Variants in SRGAP2B observed in about 807,000 individuals in gnomAD.
SRGAP2B encodes the protein SLIT-ROBO Rho GTPase-activating protein 2B.
In SRGAP2B, 9 loss-of-function variants were observed where a neutral mutation model predicts 22.2. The observed-to-expected ratio is 0.41, with a 90% CI of 0.24 to 0.71. The LOEUF (loss-of-function observed/expected upper bound fraction) is 0.71, where lower values mean the gene tolerates loss of function less well. SRGAP2B is among the 30% of genes least tolerant of loss of function. SRGAP2B has a pLI of 0.35. For missense variants in SRGAP2B, 114 were observed against 235.8 expected, an observed-to-expected ratio of 0.48 and a Z score of 3.38; for synonymous variants, 36 against 87.4, an observed-to-expected ratio of 0.41 and a Z score of 3.28.
At chr1:145,014,338 CCAA>C (rs1553622767) in intron 2 of SRGAP2B, among the ~76,000 whole-genome samples, 2 of 148,844 alleles carry the variant, frequency 1.3e-5, no homozygotes, top group Non-Finnish European at 3.0e-5. Context: ...AACAAAAAAA[CCAA>C]CAACAAGAAG....
At chr1:145,009,532 G>A (rs1553621873) in intron 2 of SRGAP2B, among the ~76,000 whole-genome samples, 1 of 146,364 alleles carries the variant, frequency 6.8e-6, no homozygotes, top group East Asian at 2.0e-4. Flanking sequence ...AGCTTGCAGT[G>A]AGCCGAGATC....
intron 2 of SRGAP2B, among the ~76,000 whole-genome samples, chr1:145,022,597 T>C (rs189416770): frequency 0.011 from 1,654 of 148,996 alleles, 68 homozygotes; most frequent in African/African-American, 0.039. Flanking sequence ...GATCATGGCT[T>C]TTCTTTTTTA....
chr1:144,939,797 G>T (rs1553607049), intron 4 of SRGAP2B, among the ~76,000 whole-genome samples: 1 of 145,976 alleles, frequency 6.9e-6, no homozygotes, highest in Non-Finnish European at 1.5e-5. Flanking sequence ...AGCAAAAAGA[G>T]AATGCTTTTT....
At position 144,910,594 on chromosome 1, in the gene SRGAP2B, AG is replaced by A. The variant is rs1357436041; in HGVS notation, c.486+4097del. Among the ~76,000 whole-genome samples the A allele has an allele frequency of 2.1e-5, 3 of 144,796 alleles. No individual in the cohort carries two copies. In the East Asian group the frequency reaches 6.1e-4, roughly 29 times the overall value. The allele number at this position is 144,796 out of a possible 152,430, so 95.0% of individuals were successfully genotyped here. A position where few individuals can be genotyped will look rare whatever the true frequency, so the allele number is the denominator to read the frequency against. ...TAACAACAGCCCCAAAGTGTCCCAA[AG>A]CCTCTTTTTTCTCAATTCTAGAGCT... On this transcript the variant is annotated intron_variant, in intron 5 of 9. Coordinates refer to ENST00000612199, the Ensembl canonical transcript of SRGAP2B.
chr1:144,971,851 C>T (rs1474805996), intron 3 of SRGAP2B, among the ~76,000 whole-genome samples: 2 of 150,820 alleles, frequency 1.3e-5, no homozygotes, highest in African/African-American at 5.0e-5. Flanking sequence ...ATCACACAGA[C>T]AGTGGTGGAG....
chr1:144,905,827 C>G (rs1452609868), intron 6 of SRGAP2B, 32 bp downstream of exon 6: 8,041 of 709,008 alleles, frequency 0.011, 268 homozygotes, highest in Non-Finnish European at 0.015. Context: ...AATGTTGCTT[C>G]CCAGCATCTA....
At chr1:144,986,389 T>C (rs1476336383) in intron 3 of SRGAP2B, among the ~76,000 whole-genome samples, 2 of 145,072 alleles carry the variant, frequency 1.4e-5, no homozygotes, top group East Asian at 2.0e-4. Context: ...CACTGAGATG[T>C]TCTGGGCAGA....
intron 2 of SRGAP2B, among the ~76,000 whole-genome samples, chr1:145,006,830 T>G (rs1207760280): frequency 6.6e-6 from 1 of 150,718 alleles, no homozygotes; most frequent in Non-Finnish European, 1.5e-5. Context: ...ACTATTCAAG[T>G]ATAAAGGTAT....
intron 2 of SRGAP2B, among the ~76,000 whole-genome samples, chr1:145,064,672 T>C (rs1157840656): frequency 4.7e-5 from 7 of 150,056 alleles, no homozygotes; most frequent in African/African-American, 1.8e-4. Flanking sequence ...GAGTCTGTCC[T>C]GTCCTTGCAG....
intron 5 of SRGAP2B, among the ~76,000 whole-genome samples, chr1:144,911,593 G>T (rs1259711965): frequency 6.8e-6 from 1 of 146,336 alleles, no homozygotes; most frequent in Admixed American, 6.8e-5. Context: ...ATCTCCAGAA[G>T]AAATAATTCT....
chr1:144,915,651 A>C (rs1553603780), intron 4 of SRGAP2B, among the ~76,000 whole-genome samples: 1 of 151,234 alleles, frequency 6.6e-6, no homozygotes, highest in Admixed American at 6.6e-5. Context: ...GCTTGAACCC[A>C]GAAGGTGGAG....
chr1:144,917,998 T>C lies in SRGAP2B; in HGVS notation c.424-3244A>G, dbSNP rs1252833667. 14 of 64,652 alleles carry C rather than the reference T, an allele frequency of 2.2e-4. 2 individuals are homozygous for C. The highest frequency in any genetic ancestry group is 2.0e-3 in the Admixed American group (12 of 5,884). 4.0% of individuals were successfully genotyped at this position (64,652 alleles called of 1,614,324 possible). A position where few individuals can be genotyped will look rare whatever the true frequency, so the allele number is the denominator to read the frequency against. On this transcript the variant is annotated intron_variant, in intron 4 of 9. Coordinates refer to ENST00000612199, the Ensembl canonical transcript of SRGAP2B. ...CAAAGACAAGGGGGACATTTATTCC[T>C]GGGAACAACAAAACCTGATGAGGCC...
At chr1:145,067,287 TA>T (rs782756643) in intron 2 of SRGAP2B, among the ~76,000 whole-genome samples, 1,406 of 116,790 alleles carry the variant, frequency 0.012, 17 homozygotes, top group Middle Eastern at 0.017. Flanking sequence ...AGACTCTGTC[TA>T]AAAAAAAAAA....
chr1:144,956,152 G>A (rs1333686250), intron 3 of SRGAP2B, among the ~76,000 whole-genome samples: 2 of 150,294 alleles, frequency 1.3e-5, no homozygotes, highest in Non-Finnish European at 2.9e-5. Flanking sequence ...AGAAACCAAA[G>A]TTAGAGATTT....
chr1:144,965,861 G>A lies in SRGAP2B; in HGVS notation c.261-10260C>T, dbSNP rs1385601240. On this transcript the variant is annotated intron_variant, in intron 3 of 9. Coordinates refer to ENST00000612199, the Ensembl canonical transcript of SRGAP2B. ...GAAGAATGCAGAAGCCTCAGGAGCC[G>A]ATGCGATCAACTGGAAGAAAGGGTA... Among the ~76,000 whole-genome samples, 8 of 144,372 alleles carry A rather than the reference G, an allele frequency of 5.5e-5. 1 individual carries two copies. Among genetic ancestry groups the A allele is most frequent in the African/African-American group, 1.1e-4 (4 of 37,548 alleles). The allele number at this position is 144,372 out of a possible 152,430, so 94.7% of individuals were successfully genotyped here.
At chr1:144,930,940 G>C (rs1665130227) in intron 4 of SRGAP2B, among the ~76,000 whole-genome samples, 1 of 148,076 alleles carries the variant, frequency 6.8e-6, no homozygotes, top group Non-Finnish European at 1.5e-5. Flanking sequence ...TCAGAATGAA[G>C]TTCAAACTCC....
chr1:144,971,153 G>A lies in SRGAP2B; in HGVS notation c.261-15552C>T, dbSNP rs6702212. Reference sequence around the variant, plus strand: ...TTCCTTTTTTTTTTTTTTTTGAGACGGAGTTTCACTCTTGTTGTCCAGGCT... The same window carrying A: ...TTCCTTTTTTTTTTTTTTTTGAGACAGAGTTTCACTCTTGTTGTCCAGGCT... On this transcript the variant is annotated intron_variant, in intron 3 of 9. Coordinates refer to ENST00000612199, the Ensembl canonical transcript of SRGAP2B. Among the ~76,000 whole-genome samples, 468 of 134,752 alleles carry A rather than the reference G, an allele frequency of 3.5e-3. 2 individuals are homozygous for A. Among genetic ancestry groups the A allele is most frequent in the African/African-American group, 4.7e-3 (165 of 35,102 alleles). The allele number at this position is 134,752 out of a possible 152,430, so 88.4% of individuals were successfully genotyped here.
intron 2 of SRGAP2B, among the ~76,000 whole-genome samples, chr1:145,081,871 C>T (rs587752572): frequency 2.3e-5 from 3 of 129,056 alleles, no homozygotes; most frequent in Admixed American, 7.8e-5. Context: ...GAGCCCTGGC[C>T]ACCCAGCCAC....
chr1:145,023,087 C>G (rs1231095395), intron 2 of SRGAP2B, among the ~76,000 whole-genome samples: 1 of 149,118 alleles, frequency 6.7e-6, no homozygotes. Flanking sequence ...ATCACTTGAA[C>G]CCGGGAGAGG....
Sources: gnomAD v4.1 joint callset for allele counts (sites outside exome capture counted in the v4.1 genomes callset) on GRCh38, gnomAD v4.1.1 for gene constraint, MANE v1.5 for transcripts, NCBI Gene and HGNC (gene_info 2026-07-23, HGNC 2026-07-21) for gene names.